Variants in UVRAG observed in about 807,000 individuals in gnomAD.
UVRAG encodes UV radiation resistance-associated gene protein.
UVRAG carries 19 observed loss-of-function variants against 78.0 expected under a neutral mutation model. The observed-to-expected ratio is 0.24, with a 90% CI of 0.17 to 0.36. The LOEUF is 0.36. Among genes scored for constraint, UVRAG ranks in the 10% least tolerant of loss-of-function variants. UVRAG has a pLI of 1.00. For missense variants in UVRAG, 740 were observed against 853.8 expected (o/e 0.87, Z 1.66); for synonymous variants, 323 against 324.6 (o/e 1.00, Z 0.05).
chr11:76,013,469 C>G (rs1026982808), intron 11 of UVRAG, among the ~76,000 whole-genome samples: 4 of 152,196 alleles, frequency 2.6e-5, no homozygotes, highest in African/African-American at 9.7e-5. Context: ...TGTGACCTTT[C>G]TAACCCCCAG....
intron 13 of UVRAG, among the ~76,000 whole-genome samples, chr11:76,067,878 G>T (rs1054618010): frequency 1.3e-5 from 2 of 152,176 alleles, no homozygotes; most frequent in African/African-American, 4.8e-5. Context: ...CAGTTTGAGA[G>T]TAAAACTGGC....
At chr11:76,098,656 T>G (rs1951827971) in intron 13 of UVRAG, among the ~76,000 whole-genome samples, 2 of 152,214 alleles carry the variant, frequency 1.3e-5, no homozygotes, top group South Asian at 4.1e-4. Flanking sequence ...GGGGTAGTTT[T>G]GTATCATAAT....
intron 6 of UVRAG, among the ~76,000 whole-genome samples, chr11:75,930,401 T>C (rs1251627843): frequency 6.6e-6 from 1 of 152,212 alleles, no homozygotes; most frequent in Non-Finnish European, 1.5e-5. Context: ...CTTGAAACAT[T>C]GGAGCTGAAA....
At chr11:75,835,823 G>C (rs1046320472) in intron 1 of UVRAG, among the ~76,000 whole-genome samples, 2 of 152,140 alleles carry the variant, frequency 1.3e-5, no homozygotes, top group Non-Finnish European at 2.9e-5. Context: ...GCCGGGCATG[G>C]TGGCTCACGC....
At position 76,000,834 on chromosome 11, in the gene UVRAG, G is replaced by C. The variant is rs563427387; in HGVS notation, c.827-3171G>C. On this transcript the variant is annotated intron_variant, in intron 8 of 14. Coordinates refer to ENST00000356136, the MANE Select transcript of UVRAG (RefSeq NM_003369.4). ...CAAAAGACGTAACAATTCTAAATATGTGTGAACATAGCAATATTATTTTAA... is the reference window on the plus strand; with the variant it reads ...CAAAAGACGTAACAATTCTAAATATCTGTGAACATAGCAATATTATTTTAA... 5.9e-5 allele frequency among the ~76,000 whole-genome samples: 9 copies of C among 152,220 alleles called. No homozygotes were observed. The South Asian group carries it at 1.9e-3, about 32-fold the overall frequency.
intron 5 of UVRAG, among the ~76,000 whole-genome samples, chr11:75,891,270 G>A (rs1281025991): frequency 6.6e-6 from 1 of 152,096 alleles, no homozygotes; most frequent in African/African-American, 2.4e-5. Flanking sequence ...AGTTTTTGGG[G>A]TATGCAGTTT....
At chr11:76,037,441 G>A (rs924701219) in intron 12 of UVRAG, among the ~76,000 whole-genome samples, 4 of 150,490 alleles carry the variant, frequency 2.7e-5, no homozygotes, top group East Asian at 2.0e-4. Context: ...AGTGGCTCAC[G>A]CCTGTAATCC....
intron 6 of UVRAG, among the ~76,000 whole-genome samples, chr11:75,951,403 A>G (rs1948700868): frequency 6.6e-6 from 1 of 150,434 alleles, no homozygotes; most frequent in Non-Finnish European, 1.5e-5. Context: ...TTTTTTTGAG[A>G]TGGAGTTTCG....
chr11:75,981,643 C>T (rs990357952), intron 7 of UVRAG, among the ~76,000 whole-genome samples: 4 of 151,698 alleles, frequency 2.6e-5, no homozygotes, highest in East Asian at 1.9e-4. Flanking sequence ...CTTTTTCAGT[C>T]CTTCTCTGTT....
chr11:76,129,868 GTCTCTC>G (rs147417062), intron 14 of UVRAG, among the ~76,000 whole-genome samples: 5 of 148,416 alleles, frequency 3.4e-5, no homozygotes, highest in African/African-American at 4.9e-5. Flanking sequence ...AAGTATAAAT[GTCTCTC>G]TCTCTCTCTC....
intron 13 of UVRAG, among the ~76,000 whole-genome samples, chr11:76,103,030 C>G (rs1173131630): frequency 6.6e-6 from 1 of 152,144 alleles, no homozygotes; most frequent in Non-Finnish European, 1.5e-5. Context: ...ACTTGCTGGC[C>G]TTCAGCCAGG....
At chr11:75,923,623 A>G (rs943516918) in intron 6 of UVRAG, among the ~76,000 whole-genome samples, 3 of 152,204 alleles carry the variant, frequency 2.0e-5, no homozygotes, top group Non-Finnish European at 2.9e-5. Flanking sequence ...TTTGAAGGTT[A>G]GGACTTAGCT....
At chr11:75,892,103 G>T (rs1255933993) in intron 5 of UVRAG, among the ~76,000 whole-genome samples, 1 of 152,134 alleles carries the variant, frequency 6.6e-6, no homozygotes, top group African/African-American at 2.4e-5. Flanking sequence ...AACAAAACAA[G>T]TGAAACCAAG....
At chr11:75,950,554 C>T (rs1371139053) in intron 6 of UVRAG, among the ~76,000 whole-genome samples, 1 of 152,160 alleles carries the variant, frequency 6.6e-6, no homozygotes, top group Non-Finnish European at 1.5e-5. Context: ...GCACCCAGCC[C>T]ACATTATACC....
At chr11:75,827,589 C>T (rs1204702849) in intron 1 of UVRAG, among the ~76,000 whole-genome samples, 4 of 151,784 alleles carry the variant, frequency 2.6e-5, no homozygotes, top group African/African-American at 4.8e-5. Context: ...CCAGCCTGGG[C>T]GACAAGAGCA....
chr11:75,821,631 C>T (rs1945392373), intron 1 of UVRAG, among the ~76,000 whole-genome samples: 1 of 152,134 alleles, frequency 6.6e-6, no homozygotes, highest in South Asian at 2.1e-4. Flanking sequence ...CCACCACACC[C>T]AGCCAACCCT....
At position 76,141,293 on chromosome 11, in the gene UVRAG, T is replaced by C; in HGVS notation, c.1980T>C (p.Ala660=). 1 of 1,614,234 alleles carries C rather than the reference T, an allele frequency of 6.2e-7. No individual in the cohort carries two copies. Among genetic ancestry groups the C allele is most frequent in the South Asian group, 1.1e-5 (1 of 91,084 alleles). Residue 660 remains alanine (A), a synonymous_variant, in exon 15 of 15, where the codon GCT becomes GCC. Coordinates refer to ENST00000356136, the MANE Select transcript of UVRAG (RefSeq NM_003369.4). ...EAFNCIPVDS[A]VAVECDEQVL... The stretch of plus-strand genomic sequence containing the variant: ...TTAACTGCATCCCAGTGGACAGTGC[T>C]GTGGCAGTAGAGTGTGACGAACAAG...
chr11:75,978,747 T>C (rs999925615), intron 7 of UVRAG, among the ~76,000 whole-genome samples: 1 of 152,210 alleles, frequency 6.6e-6, no homozygotes, highest in South Asian at 2.1e-4. Context: ...CTCTACGCTG[T>C]TTATTCTAGT....
chr11:76,069,771 C>A (rs1018579210), intron 13 of UVRAG, among the ~76,000 whole-genome samples: 1 of 152,128 alleles, frequency 6.6e-6, no homozygotes, highest in Non-Finnish European at 1.5e-5. Flanking sequence ...TGTCATATCA[C>A]ATAATTTGAT....
Sources: allele counts gnomAD v4.1 joint callset (sites outside exome capture counted in the v4.1 genomes callset), GRCh38; gene constraint gnomAD v4.1.1; transcripts MANE v1.5; gene names NCBI Gene and HGNC (gene_info 2026-07-23, HGNC 2026-07-21).